The following OVGP1 variants were observed in gnomAD, a reference collection of about 807,000 sequenced individuals.
The protein encoded by OVGP1 is oviductal glycoprotein 1, also known as oviduct-specific glycoprotein.
OVGP1 carries 26 observed loss-of-function variants against 48.2 expected under a neutral mutation model. The observed-to-expected ratio is 0.54, with a 90% confidence interval of 0.40 to 0.75. OVGP1 has a LOEUF of 0.75. Ranked by LOEUF, OVGP1 falls within the 30% of genes least tolerant of loss-of-function variation. The pLI is 0.00. For synonymous variants in OVGP1, 294 were observed against 305.7 expected, an observed-to-expected ratio of 0.96 and a Z score of 0.40; for missense variants, 791 against 820.6, an observed-to-expected ratio of 0.96 and a Z score of 0.44.
chr1:111,419,405 C>A (rs1652207597), intron 9 of OVGP1, among the ~76,000 whole-genome samples: 1 of 152,196 alleles, frequency 6.6e-6, no homozygotes, highest in African/African-American at 2.4e-5. Flanking sequence ...AACCTAGATT[C>A]TTTCTCTTCA....
intron 2 of OVGP1, 142 bp downstream of exon 2, chr1:111,426,920 A>T (rs964435475): frequency 8.4e-6 from 13 of 1,554,336 alleles, no homozygotes; most frequent in Non-Finnish European, 1.0e-5. Context: ...AGGTGACCAA[A>T]AATCCTCTGA....
intron 6 of OVGP1, 142 bp from the exon 7 acceptor site, chr1:111,421,815 C>T (rs1044120872): frequency 1.6e-6 from 1 of 613,760 alleles, no homozygotes; most frequent in East Asian, 2.7e-5. Context: ...CCTGCCCAGG[C>T]TGTGCTATCC....
chr1:111,423,842 A>C, intron 4 of OVGP1, 134 bp from the exon 5 acceptor site: 1 of 793,546 alleles, frequency 1.3e-6, no homozygotes, highest in Non-Finnish European at 2.0e-6. Context: ...AGATTTCCAA[A>C]ACTCTCCCAC....
chr1:111,423,867 C>T (rs1231355120), intron 4 of OVGP1, among the ~76,000 whole-genome samples, 159 bp from the exon 5 acceptor site: 3 of 152,198 alleles, frequency 2.0e-5, no homozygotes, highest in Non-Finnish European at 4.4e-5. Context: ...TTATATGCCT[C>T]TCCCAGCACC....
At chr1:111,425,311 C>A (rs1370731508) in intron 4 of OVGP1, 72 bp downstream of exon 4, 1 of 1,579,690 alleles carries the variant, frequency 6.3e-7, no homozygotes, top group Admixed American at 1.7e-5. Context: ...AAGCTGCCTT[C>A]CCCCTCTGTC....
At chr1:111,415,407 T>C (rs1652109457) in intron 10 of OVGP1, 63 bp from the exon 11 acceptor site, 4 of 1,472,378 alleles carry the variant, frequency 2.7e-6, no homozygotes, top group African/African-American at 2.8e-5. Flanking sequence ...TATTAATTAC[T>C]GGCAGAACTA....
Position 111,415,170 on chromosome 1 carries a change from A to G in OVGP1, c.1331T>C (p.Ile444Thr). ...GGTCACAGTTGTACCTCTAGGGGTT[A>G]TAGTCATATTTTCACACTTTCCGTG... ...EIHGKCENMTITPRGTTVTPT... is the reference protein window; with the variant it reads ...EIHGKCENMTTTPRGTTVTPT... The change falls in exon 11 of 11, where the codon ATA (isoleucine) becomes ACA (threonine). Residue 444 changes from isoleucine to threonine, a missense_variant. Coordinates refer to ENST00000369732, the MANE Select transcript of OVGP1 (RefSeq NM_002557.4). The G allele has an allele frequency of 1.2e-6, 2 of 1,614,142 alleles. No individual in the cohort carries two copies. The highest frequency in any genetic ancestry group is 1.7e-5 in the Admixed American group (1 of 60,022).
chr1:111,427,639 C>T (rs1652429785), intron 1 of OVGP1, 58 bp downstream of exon 1: 5 of 1,598,980 alleles, frequency 3.1e-6, no homozygotes, highest in Non-Finnish European at 4.3e-6. Context: ...AGATGACGAA[C>T]TCATAAAGCC....
At position 111,423,669 on chromosome 1, in the gene OVGP1, C is replaced by T. The variant is rs954739; in HGVS notation, c.357G>A (p.Lys119=). ...GAAGGGATATAACTGAAGCAATAAA[C>T]TTTTCACGGTTGGCAAATGTGGACA... is the stretch of plus-strand genomic sequence containing the variant. ...TMLSTFANRE[K]FIASVISLLR... is the part of the protein sequence containing the mutation. The change falls in exon 5 of 11, where the codon AAG becomes AAA. Residue 119 remains lysine (K), a synonymous_variant. Coordinates refer to ENST00000369732, the MANE Select transcript of OVGP1 (RefSeq NM_002557.4). 0.25 allele frequency: 408,035 copies of T among 1,613,496 alleles called. 54,634 individuals carry two copies. Among genetic ancestry groups the T allele is most frequent in the Non-Finnish European group, 0.28 (327,998 of 1,179,534 alleles).
intron 1 of OVGP1, 165 bp downstream of exon 1, chr1:111,427,532 T>C (rs879546019): frequency 2.0e-6 from 1 of 509,438 alleles, no homozygotes; most frequent in Non-Finnish European, 2.5e-6. Context: ...CACTTCTCCC[T>C]GGGTCCCTCT....
chr1:111,414,987 C>A lies in OVGP1; in HGVS notation c.1514G>T (p.Gly505Val). The A allele has an allele frequency of 1.3e-6, 2 of 1,598,636 alleles. No individual in the cohort carries two copies. The highest frequency in any genetic ancestry group is 2.2e-5 in the East Asian group (1 of 44,478). ...ACCCACAGAGGTCAGGGTCTTCTGT[C>A]CAGTGGTCACAGATTGATGACCCAC... ...TPVGHQSVTT[G>V]QKTLTSVGYQ... Residue 505 changes from glycine to valine, a missense_variant, in exon 11 of 11, where the codon GGA (glycine) becomes GTA (valine). Gly to Val is a moderately radical substitution (Grantham distance 109). Coordinates refer to ENST00000369732, the MANE Select transcript of OVGP1 (RefSeq NM_002557.4).
chr1:111,415,904 T>C (rs1652124645), intron 10 of OVGP1, among the ~76,000 whole-genome samples: 1 of 152,162 alleles, frequency 6.6e-6, no homozygotes, highest in Admixed American at 6.5e-5. Flanking sequence ...ATGCTTCACC[T>C]CTTGCATGCT....
intron 6 of OVGP1, among the ~76,000 whole-genome samples, chr1:111,422,048 G>A (rs1354986299): frequency 6.6e-6 from 1 of 152,178 alleles, no homozygotes; most frequent in Non-Finnish European, 1.5e-5. Context: ...ACCTCCTCTA[G>A]AAAGCGTTCA....
chr1:111,420,212 G>C lies in OVGP1; in HGVS notation c.904-486C>G, dbSNP rs868733720. ...GAACTAGGTTGCTATAAATAATTAA[G>C]CATTTGAGTGTCCACTGAGTGCCCA... On this transcript the variant is annotated intron_variant, in intron 8 of 10. Coordinates refer to ENST00000369732, the MANE Select transcript of OVGP1 (RefSeq NM_002557.4). 2.6e-5 allele frequency among the ~76,000 whole-genome samples: 4 copies of C among 152,182 alleles called. No individual in the cohort carries two copies. The South Asian group carries it at 8.3e-4, about 32-fold the overall frequency.
intron 6 of OVGP1, 120 bp downstream of exon 6, chr1:111,422,807 C>A: frequency 1.7e-6 from 2 of 1,178,974 alleles, no homozygotes; most frequent in African/African-American, 1.5e-5. Flanking sequence ...CAAACTTGCA[C>A]TGACGTCAGG....
chr1:111,423,818 G>T, intron 4 of OVGP1, 110 bp from the exon 5 acceptor site: 1 of 1,062,070 alleles, frequency 9.4e-7, no homozygotes, highest in Non-Finnish European at 1.4e-6. Context: ...GATGTGGCTG[G>T]AGGAAAGGAA....
intron 4 of OVGP1, among the ~76,000 whole-genome samples, chr1:111,425,127 TG>T (rs1258766589): frequency 6.6e-6 from 1 of 152,260 alleles, no homozygotes; most frequent in Non-Finnish European, 1.5e-5. Context: ...GAAACAATTA[TG>T]AGTGCCTCAT....
rs141697656 is a variant in OVGP1, at chr1:111,417,831, G to A, written c.1021-1373C>T. Among the ~76,000 whole-genome samples, 965 of 152,280 alleles carry A rather than the reference G, an allele frequency of 6.3e-3. 6 individuals are homozygous for A. The highest frequency in any genetic ancestry group is 0.011 in the Non-Finnish European group (735 of 68,022). ...CACCTGCATATGCAGTGGGGTCTGCGCTACAGAGAAGAACTCTGAAATTAT... is the reference window on the plus strand; with the variant it reads ...CACCTGCATATGCAGTGGGGTCTGCACTACAGAGAAGAACTCTGAAATTAT... On this transcript the variant is annotated intron_variant, in intron 9 of 10. Coordinates refer to ENST00000369732, the MANE Select transcript of OVGP1 (RefSeq NM_002557.4).
intron 5 of OVGP1, 151 bp from the exon 6 acceptor site, chr1:111,423,202 A>G: frequency 1.1e-6 from 1 of 889,260 alleles, no homozygotes; most frequent in Non-Finnish European, 1.7e-6. Flanking sequence ...CAGGCTCATG[A>G]GACAGGCAGA....
Sources: gnomAD v4.1 joint callset for allele counts (sites outside exome capture counted in the v4.1 genomes callset) on GRCh38, gnomAD v4.1.1 for gene constraint, MANE v1.5 for transcripts, NCBI Gene and HGNC (gene_info 2026-07-23, HGNC 2026-07-21) for gene names.